The following YEATS4 variants were observed in gnomAD, a reference collection of about 807,000 sequenced individuals.
The protein encoded by YEATS4 is YEATS domain-containing protein 4.
YEATS4 carries 17 observed loss-of-function variants against 30.1 expected under a neutral mutation model. The observed-to-expected ratio is 0.56, with a 90% CI of 0.39 to 0.85. YEATS4 has a LOEUF of 0.85. Among genes scored for constraint, YEATS4 ranks in the 40% least tolerant of loss-of-function variants. The pLI, the probability that YEATS4 is intolerant of heterozygous loss-of-function variation, is 0.00. For synonymous variants in YEATS4, 85 were observed against 87.5 expected (o/e 0.97, Z 0.16); for missense variants, 142 against 268.3 (o/e 0.53, Z 3.29).
downstream of YEATS4, among the ~76,000 whole-genome samples, chr12:69,392,703 T>C (rs1035799317): frequency 2.6e-5 from 4 of 152,242 alleles, no homozygotes; most frequent in African/African-American, 7.2e-5. Flanking sequence ...GGTGCTGTTA[T>C]TCATATTTTA....
intron 6 of YEATS4, among the ~76,000 whole-genome samples, chr12:69,371,427 A>G (rs1875633755): frequency 6.6e-6 from 1 of 152,250 alleles, no homozygotes; most frequent in South Asian, 2.1e-4. Flanking sequence ...GACTACCTGA[A>G]TGCCACATTG....
intron 6 of YEATS4, among the ~76,000 whole-genome samples, chr12:69,377,687 A>G (rs1360310670): frequency 2.0e-5 from 3 of 152,160 alleles, no homozygotes; most frequent in Non-Finnish European, 4.4e-5. Context: ...ATTCCATTGT[A>G]GTCAGAGAAG....
chr12:69,421,390 T>C, the YEATS4 span, among the ~76,000 whole-genome samples: 1 of 152,208 alleles, frequency 6.6e-6, no homozygotes, highest in Non-Finnish European at 1.5e-5. Flanking sequence ...TCCTTTATTG[T>C]GTAATGGTTT....
the YEATS4 span, among the ~76,000 whole-genome samples, chr12:69,411,735 G>T: frequency 6.6e-6 from 1 of 152,168 alleles, no homozygotes. Context: ...GAAGGAGTGA[G>T]TAGGCAATTT....
intron 2 of YEATS4, 142 bp from the exon 3 acceptor site, chr12:69,365,491 G>C (rs1875392501): frequency 3.2e-6 from 2 of 619,548 alleles, no homozygotes; most frequent in Admixed American, 6.9e-5. Context: ...CCCAGGTGTA[G>C]TTCATGTTTT....
the YEATS4 span, among the ~76,000 whole-genome samples, chr12:69,397,839 C>G: frequency 6.6e-6 from 1 of 152,086 alleles, no homozygotes; most frequent in African/African-American, 2.4e-5. Context: ...TAATCCTGCC[C>G]ACAACTTGAT....
the YEATS4 span, among the ~76,000 whole-genome samples, chr12:69,400,470 A>C: frequency 6.6e-6 from 1 of 152,202 alleles, no homozygotes; most frequent in Non-Finnish European, 1.5e-5. Context: ...AATTGATGAA[A>C]AAAATTCAAT....
chr12:69,422,046 T>C, the YEATS4 span, among the ~76,000 whole-genome samples: 56,740 of 151,750 alleles, frequency 0.37, 11,063 homozygotes, highest in East Asian at 0.57. Context: ...GTCTGATGGG[T>C]GTGTTATGGT....
chr12:69,372,596 A>G (rs1875690725), intron 6 of YEATS4, among the ~76,000 whole-genome samples: 1 of 142,554 alleles, frequency 7.0e-6, no homozygotes, highest in South Asian at 2.3e-4. Flanking sequence ...GGGCAGTGGC[A>G]TGATCTCGGC....
At chr12:69,376,780 T>G (rs1046289057) in intron 6 of YEATS4, among the ~76,000 whole-genome samples, 9 of 152,210 alleles carry the variant, frequency 5.9e-5, no homozygotes, top group African/African-American at 1.7e-4. Context: ...GGGTTGGTAT[T>G]AGTTCTTCTT....
At chr12:69,363,289 G>A (rs866759813) in intron 2 of YEATS4, among the ~76,000 whole-genome samples, 9 of 151,772 alleles carry the variant, frequency 5.9e-5, no homozygotes, top group African/African-American at 9.7e-5. Context: ...CACCGCGCCC[G>A]GCCGACAACC....
At chr12:69,419,215 CTTTTTTTTTTTT>C in the YEATS4 span, among the ~76,000 whole-genome samples, 2 of 116,584 alleles carry the variant, frequency 1.7e-5, no homozygotes, top group African/African-American at 6.3e-5. Flanking sequence ...TCCTATTTTA[CTTTTTTTTTTTT>C]TTTTTTTTTT....
the YEATS4 span, among the ~76,000 whole-genome samples, chr12:69,403,078 A>G: frequency 1.3e-5 from 2 of 152,164 alleles, no homozygotes; most frequent in African/African-American, 4.8e-5. Context: ...CACAAGCCAT[A>G]CAAAACCTTG....
Position 69,359,898 on chromosome 12 carries a change from G to T in YEATS4, c.-75G>T. The T allele has an allele frequency of 6.3e-7, 1 of 1,589,816 alleles. No individual in the cohort carries two copies. On this transcript the variant is annotated 5_prime_UTR_variant, in exon 1 of 7. Transcript: ENST00000247843. ...CCTGGGCCCGCGCGACAGGAGCGCG[G>T]TCTCTGAGGGGAGCGGCGACCCCGC...
chr12:69,406,433 TTCTCCTACG>T, the YEATS4 span, among the ~76,000 whole-genome samples: 1 of 152,212 alleles, frequency 6.6e-6, no homozygotes, highest in Non-Finnish European at 1.5e-5. Context: ...GTTCAAGTGA[TTCTCCTACG>T]TCAGCCTCCT....
the YEATS4 span, among the ~76,000 whole-genome samples, chr12:69,404,532 TG>T: frequency 2.0e-5 from 3 of 152,318 alleles, no homozygotes; most frequent in African/African-American, 7.2e-5. Flanking sequence ...TGCACTCACT[TG>T]CCTTTCTGCT....
the YEATS4 span, among the ~76,000 whole-genome samples, chr12:69,402,527 A>G: frequency 6.6e-6 from 1 of 152,106 alleles, no homozygotes; most frequent in Non-Finnish European, 1.5e-5. Flanking sequence ...ACTTTTTCTG[A>G]AAAGGGCCAG....
chr12:69,418,044 G>A, the YEATS4 span, among the ~76,000 whole-genome samples: 1 of 152,130 alleles, frequency 6.6e-6, no homozygotes, highest in Non-Finnish European at 1.5e-5. Context: ...GTATTTTAGA[G>A]ATGAAATCAA....
At chr12:69,425,381 C>T in the YEATS4 span, among the ~76,000 whole-genome samples, 1 of 152,138 alleles carries the variant, frequency 6.6e-6, no homozygotes, top group African/African-American at 2.4e-5. Flanking sequence ...GCCTGAATAA[C>T]AATAAGGACA....
Sources: gnomAD v4.1 joint callset for allele counts (sites outside exome capture counted in the v4.1 genomes callset) on GRCh38, gnomAD v4.1.1 for gene constraint, MANE v1.5 for transcripts, NCBI Gene and HGNC (gene_info 2026-07-23, HGNC 2026-07-21) for gene names.